The following GUCY2D variants were observed in gnomAD, a reference collection of about 807,000 sequenced individuals.
GUCY2D encodes the protein retinal guanylyl cyclase 1.
Under a neutral mutation model 101.3 loss-of-function variants are expected in GUCY2D, and 70 were observed. The ratio of observed to expected loss-of-function variants is 0.69; its 90% CI spans 0.57 to 0.84. The LOEUF is 0.84. Ranked by LOEUF, GUCY2D falls within the 40% of genes least tolerant of loss-of-function variation. GUCY2D has a pLI of 0.00. For synonymous variants in GUCY2D, 688 were observed against 670.7 expected, an observed-to-expected ratio of 1.03 and a Z score of -0.40; for missense variants, 1,460 against 1,542.5, an observed-to-expected ratio of 0.95 and a Z score of 0.90.
chr17:8,003,397 C>A lies in GUCY2D; in HGVS notation c.350C>A (p.Ala117Glu). 6.7e-7 allele frequency: 1 copy of A among 1,491,668 alleles called. No homozygotes were observed. The highest frequency in any genetic ancestry group is 8.9e-7 in the Non-Finnish European group (1 of 1,127,956). The allele number at this position is 1,491,668 out of a possible 1,614,324, so 92.4% of individuals were successfully genotyped here. Residue 117 changes from alanine to glutamate, a missense_variant, in exon 2 of 20, where the codon GCG (alanine) becomes GAG (glutamate). Physicochemically the swap from Ala to Glu is moderately radical, Grantham distance 107. Coordinates refer to ENST00000254854, the MANE Select transcript of GUCY2D (RefSeq NM_000180.4). ...TPGSLGAVSS[A>E]LARVSGLVGP... ...GGCTCGCTGGGGGCCGTGTCCTCCGCGCTGGCCCGCGTGTCGGGCCTCGTG... is the reference window on the plus strand; with the variant it reads ...GGCTCGCTGGGGGCCGTGTCCTCCGAGCTGGCCCGCGTGTCGGGCCTCGTG...
rs1324115702 is a variant in GUCY2D, at chr17:8,003,266, G to A, written c.219G>A (p.Pro73=). 2.9e-5 allele frequency: 43 copies of A among 1,501,266 alleles called. No homozygotes were observed. The highest frequency in any genetic ancestry group is 1.7e-4 in the African/African-American group (12 of 68,620). The allele number at this position is 1,501,266 out of a possible 1,614,324, so 93.0% of individuals were successfully genotyped here. A position where few individuals can be genotyped will look rare whatever the true frequency, so the allele number is the denominator to read the frequency against. ...ACCCCATCTTCTCTCGGGCTCGCCC[G>A]GACCTGGCCGCCCGCCTGGCCGCCG... ...ACDPIFSRAR[P]DLAARLAAAR... is the part of the protein sequence containing the mutation. Residue 73 remains proline (P), a synonymous_variant, in exon 2 of 20, where the codon CCG becomes CCA. Coordinates refer to ENST00000254854, the MANE Select transcript of GUCY2D (RefSeq NM_000180.4).
At position 8,011,786 on chromosome 17, in the gene GUCY2D, G is replaced by T. The variant is rs966856771; in HGVS notation, c.1750-358G>T. Reference sequence around the variant, plus strand: ...AAAGGTAGCAGTGATTTATGATCATGCCGCTGCACTCCAGTCTGGGCAACA... The same window carrying T: ...AAAGGTAGCAGTGATTTATGATCATTCCGCTGCACTCCAGTCTGGGCAACA... On this transcript the variant is annotated intron_variant, in intron 8 of 19. Coordinates refer to ENST00000254854, the MANE Select transcript of GUCY2D (RefSeq NM_000180.4). The surrounding 1 kb of genome is among the most constrained non-coding windows in gnomAD (Gnocchi z 4.3). Among the ~76,000 whole-genome samples the T allele has an allele frequency of 2.0e-5, 3 of 152,152 alleles. No individual in the cohort carries two copies. Among genetic ancestry groups the T allele is most frequent in the Non-Finnish European group, 4.4e-5 (3 of 68,030 alleles).
chr17:8,006,527 C>G lies in GUCY2D; in HGVS notation c.1191C>G (p.Asp397Glu), dbSNP rs756210907. Residue 397 changes from aspartate (D) to glutamate (E), a missense_variant, in exon 4 of 20, where the codon GAC becomes GAG. By Grantham distance (45) the Asp-to-Glu change is conservative. Coordinates refer to ENST00000254854, the MANE Select transcript of GUCY2D (RefSeq NM_000180.4). Reference sequence around the variant, plus strand: ...GCTTCTGCGGGGACCTAGGAGGAGACGAGGAGCCCCCATTCGTGCTGCTAG... The same window carrying G: ...GCTTCTGCGGGGACCTAGGAGGAGAGGAGGAGCCCCCATTCGTGCTGCTAG... ...VPGFCGDLGG[D>E]EEPPFVLLDT... 4 of 1,611,350 alleles carry G rather than the reference C, an allele frequency of 2.5e-6. No individual in the cohort carries two copies. The highest frequency in any genetic ancestry group is 2.2e-5 in the South Asian group (2 of 91,086).
chr17:8,016,570 C>A lies in GUCY2D; in HGVS notation c.*24+16C>A, dbSNP rs1367684269. 1 of 1,285,928 alleles carries A rather than the reference C, an allele frequency of 7.8e-7. No individual in the cohort carries two copies. The highest frequency in any genetic ancestry group is 1.5e-5 in the African/African-American group (1 of 68,274). The allele number at this position is 1,285,928 out of a possible 1,614,324, so 79.7% of individuals were successfully genotyped here. A position where few individuals can be genotyped will look rare whatever the true frequency, so the allele number is the denominator to read the frequency against. On this transcript the variant is annotated intron_variant, in intron 19 of 19. Coordinates refer to ENST00000254854, the MANE Select transcript of GUCY2D (RefSeq NM_000180.4). The stretch of plus-strand genomic sequence containing the variant: ...CCCCGGACAGGTACTGCCCCCTCAG[C>A]CCCAACCCCAGCTGCCGCGTCCCCT...
chr17:8,004,325 G>C (rs1381376954), intron 3 of GUCY2D, among the ~76,000 whole-genome samples, 169 bp downstream of exon 3: 6 of 152,174 alleles, frequency 3.9e-5, no homozygotes, highest in African/African-American at 1.4e-4. Flanking sequence ...CTTAGTGTAC[G>C]AGGATTGCCT....
intron 5 of GUCY2D, 127 bp downstream of exon 5, chr17:8,007,271 G>A: frequency 5.4e-6 from 5 of 926,188 alleles, no homozygotes; most frequent in South Asian, 1.3e-5. Flanking sequence ...GGGTGTTCTG[G>A]TGGGCTGGTA....
chr17:8,004,306 T>G (rs1470292622), intron 3 of GUCY2D, 150 bp downstream of exon 3: 1 of 721,700 alleles, frequency 1.4e-6, no homozygotes, highest in Non-Finnish European at 2.2e-6. Context: ...CTGGCCCCAC[T>G]TGGGGTCTCT....
In GUCY2D at chr17:8,014,134, C is replaced by G. The variant is rs1318079762; in HGVS notation, c.2412+106C>G. 1.3e-5 allele frequency: 14 copies of G among 1,052,494 alleles called. No individual in the cohort carries two copies. Among genetic ancestry groups the G allele is most frequent in the South Asian group, 8.8e-5 (7 of 79,470 alleles). 65.2% of individuals were successfully genotyped at this position (1,052,494 alleles called of 1,614,324 possible). A position where few individuals can be genotyped will look rare whatever the true frequency, so the allele number is the denominator to read the frequency against. On this transcript the variant is annotated intron_variant, in intron 12 of 19. Transcript: ENST00000254854. The surrounding 1 kb of genome is among the most constrained non-coding windows in gnomAD (Gnocchi z 4.0). Reference sequence around the variant, plus strand: ...CAGGCAGGCTGGCAGGACCTCTGGCCTTCCAGGCTACCTCCTAAGGAGTAG... The same window carrying G: ...CAGGCAGGCTGGCAGGACCTCTGGCGTTCCAGGCTACCTCCTAAGGAGTAG...
At chr17:8,018,417 T>G (rs952773578) in intron 19 of GUCY2D, among the ~76,000 whole-genome samples, 3 of 152,174 alleles carry the variant, frequency 2.0e-5, no homozygotes, top group African/African-American at 7.2e-5. Flanking sequence ...CTCATTAAAG[T>G]TTCTGAATCA....
chr17:8,016,346 C>T, intron 18 of GUCY2D, 56 bp downstream of exon 18: 2 of 1,440,604 alleles, frequency 1.4e-6, no homozygotes, highest in Non-Finnish European at 1.9e-6. Flanking sequence ...GCCTCCTGCT[C>T]TGTGTCTGAC....
intron 3 of GUCY2D, 146 bp downstream of exon 3, chr17:8,004,302 C>A (rs1975699913): frequency 4.1e-6 from 3 of 740,622 alleles, no homozygotes; most frequent in Non-Finnish European, 2.1e-6. Flanking sequence ...GGCTCTGGCC[C>A]CACTTGGGGT....
chr17:8,012,633 T>A (rs373788984), intron 10 of GUCY2D, 27 bp downstream of exon 10: 4 of 1,585,764 alleles, frequency 2.5e-6, no homozygotes, highest in Non-Finnish European at 2.6e-6. Flanking sequence ...CAGACGAGGA[T>A]CCACCGGGAT....
At chr17:8,007,852 C>CTT in intron 6 of GUCY2D, 79 bp from the exon 7 acceptor site, 1 of 892,728 alleles carries the variant, frequency 1.1e-6, no homozygotes, top group South Asian at 1.4e-5. Context: ...TTTAAATCCC[C>CTT]AAAACTCAGC....
At position 8,016,265 on chromosome 17, in the gene GUCY2D, C is replaced by A. The variant is rs1303350691; in HGVS notation, c.3199C>A (p.Pro1067Thr). ...VGRRGFNKPI[P>T]KPPDLQPGSS... ...CAGACGCGGCTTCAACAAGCCCATC[C>A]CCAAACCGCCTGACCTGCAACCGGG... Residue 1067 changes from proline to threonine, a missense_variant, in exon 18 of 20, where the codon CCC becomes ACC. Physicochemically the swap from Pro to Thr is conservative, Grantham distance 38. This residue lies in a region of GUCY2D where 215 missense variants were observed against 227.9 expected (regional missense o/e 0.94). Transcript: ENST00000254854. 2 of 1,580,000 alleles carry A rather than the reference C, an allele frequency of 1.3e-6. No homozygotes were observed. The highest frequency in any genetic ancestry group is 2.3e-5 in the East Asian group (1 of 43,572).
intron 19 of GUCY2D, among the ~76,000 whole-genome samples, chr17:8,018,162 T>C (rs1976011354): frequency 6.6e-6 from 1 of 152,178 alleles, no homozygotes; most frequent in Non-Finnish European, 1.5e-5. Flanking sequence ...CCACCTAGGC[T>C]GCCACCAGAG....
In GUCY2D at chr17:8,003,203, C is replaced by T. The variant is rs775228379; in HGVS notation, c.156C>T (p.Ala52=). 5.3e-6 allele frequency: 8 copies of T among 1,520,708 alleles called. No homozygotes were observed. The South Asian group carries it at 8.6e-5, about 16-fold the overall frequency. 94.2% of individuals were successfully genotyped at this position (1,520,708 alleles called of 1,614,324 possible). Residue 52 remains alanine (A), a synonymous_variant, in exon 2 of 20, where the codon GCC becomes GCT. Coordinates refer to ENST00000254854, the MANE Select transcript of GUCY2D (RefSeq NM_000180.4). The part of the protein sequence containing the change: ...LLLLQPPALS[A]VFTVGVLGPW... ...TGCTGCAGCCCCCCGCCCTCTCCGCCGTGTTCACGGTGGGGGTCCTGGGCC... is the reference window on the plus strand; with the variant it reads ...TGCTGCAGCCCCCCGCCCTCTCCGCTGTGTTCACGGTGGGGGTCCTGGGCC...
rs939155589 is a variant in GUCY2D, at chr17:8,013,365, G to A, written c.2263+113G>A. 13 of 1,068,030 alleles carry A rather than the reference G, an allele frequency of 1.2e-5. No homozygotes were observed. The highest frequency in any genetic ancestry group is 2.4e-4 in the Middle Eastern group (1 of 4,202). The allele number at this position is 1,068,030 out of a possible 1,614,324, so 66.2% of individuals were successfully genotyped here. ...GCCCAGTGATGAAACTCAATTATAC[G>A]GAGGCCCCCTTAAAGCTGGCATCTG... On this transcript the variant is annotated intron_variant, in intron 11 of 19. Coordinates refer to ENST00000254854, the MANE Select transcript of GUCY2D (RefSeq NM_000180.4). The surrounding 1 kb of genome is among the most constrained non-coding windows in gnomAD (Gnocchi z 5.0).
chr17:8,004,044 A>ACGATGC lies in GUCY2D; in HGVS notation c.917_922dup (p.Asp306_Ala307dup), dbSNP rs1975693193. The ACGATGC allele has an allele frequency of 6.2e-7, 1 of 1,610,392 alleles. No individual in the cohort carries two copies. The highest frequency in any genetic ancestry group is 1.7e-5 in the Admixed American group (1 of 59,992). The stretch of plus-strand genomic sequence containing the variant: ...AACAGCTCCCAGCTTCGCAGGGCCC[A>ACGATGC]CGATGCCGTGCTCACCCTCACGCGC... On this transcript the variant is annotated inframe_insertion, in exon 3 of 20. Coordinates refer to ENST00000254854, the MANE Select transcript of GUCY2D (RefSeq NM_000180.4).
rs1428672459 is a variant in GUCY2D, at chr17:8,002,709, G to T, written c.-35G>T. The T allele has an allele frequency of 1.4e-5, 2 of 140,928 alleles. No individual in the cohort carries two copies. Among genetic ancestry groups the T allele is most frequent in the African/African-American group, 1.4e-4 (1 of 7,228 alleles). 8.7% of individuals were successfully genotyped at this position (140,928 alleles called of 1,614,324 possible). A position where few individuals can be genotyped will look rare whatever the true frequency, so the allele number is the denominator to read the frequency against. On this transcript the variant is annotated 5_prime_UTR_variant, in exon 1 of 20. Transcript: ENST00000254854. The surrounding 1 kb of genome is among the most constrained non-coding windows in gnomAD (Gnocchi z 4.9). ...GCCCTGTGACCCCTCACCGGGGGCCGTGGGCCCGAGCCCCCGGACTTCCCT... is the reference window on the plus strand; with the variant it reads ...GCCCTGTGACCCCTCACCGGGGGCCTTGGGCCCGAGCCCCCGGACTTCCCT...
Sources: gnomAD v4.1 joint callset for allele counts (sites outside exome capture counted in the v4.1 genomes callset) on GRCh38, gnomAD v4.1.1 for gene constraint, gnomAD v4.1.1 regional missense constraint, Gnocchi (gnomAD v3.1) non-coding constraint, MANE v1.5 for transcripts, NCBI Gene and HGNC (gene_info 2026-07-23, HGNC 2026-07-21) for gene names.